Variants in DRGX observed in about 807,000 individuals in gnomAD.
DRGX encodes dorsal root ganglia homeobox protein.
DRGX carries 21 observed loss-of-function variants against 28.6 expected under a neutral mutation model. That is an observed-to-expected ratio of 0.73 (90% confidence interval 0.52 to 1.06). The LOEUF (loss-of-function observed/expected upper bound fraction) is 1.06. Among genes scored for constraint, DRGX ranks in the 50% least tolerant of loss-of-function variants. The pLI, the probability that DRGX is intolerant of heterozygous loss-of-function variation, is 0.00. For synonymous variants in DRGX, 136 were observed against 139.1 expected (o/e 0.98, Z 0.16); for missense variants, 354 against 343.9 (o/e 1.03, Z -0.23).
At chr10:49,366,494 G>A (rs1849602983) in intron 6 of DRGX, 113 bp from the exon 7 acceptor site, 1 of 1,420,534 alleles carries the variant, frequency 7.0e-7, no homozygotes, top group Non-Finnish European at 9.4e-7. Flanking sequence ...TCCCTCTGGT[G>A]CCAGATACTA....
chr10:49,395,601 C>A, intron 1 of DRGX, 80 bp from the exon 2 acceptor site: 1 of 830,912 alleles, frequency 1.2e-6, no homozygotes, highest in South Asian at 1.6e-5. Flanking sequence ...CCCGGCGCTC[C>A]CCTCCTGGAA....
intron 6 of DRGX, among the ~76,000 whole-genome samples, chr10:49,381,228 C>T (rs1849772944): frequency 6.6e-6 from 1 of 152,246 alleles, no homozygotes; most frequent in South Asian, 2.1e-4. Flanking sequence ...CCAGTTGCCT[C>T]ACGGCCTGAT....
chr10:49,386,220 T>C (rs1849832151), intron 6 of DRGX, among the ~76,000 whole-genome samples: 1 of 152,150 alleles, frequency 6.6e-6, no homozygotes, highest in Non-Finnish European at 1.5e-5. Context: ...GGAAGGTCAC[T>C]GTGGGGCAGC....
Position 49,365,951 on chromosome 10 carries a change from C to T in DRGX, c.*165G>A. 1 of 783,366 alleles carries T rather than the reference C, an allele frequency of 1.3e-6. No individual in the cohort carries two copies. 48.5% of individuals were successfully genotyped at this position (783,366 alleles called of 1,614,324 possible). Reference sequence around the variant, plus strand: ...GCACTGGTGGGACTCCAGAGGGACGCTCCAGGTGCCAAGGGAGCTGTGGGT... The same window carrying T: ...GCACTGGTGGGACTCCAGAGGGACGTTCCAGGTGCCAAGGGAGCTGTGGGT... On this transcript the variant is annotated 3_prime_UTR_variant, in exon 7 of 7. Coordinates refer to ENST00000374139, the MANE Select transcript of DRGX (RefSeq NM_001276451.2).
chr10:49,390,359 G>T, intron 3 of DRGX, 125 bp from the exon 4 acceptor site: 2 of 800,256 alleles, frequency 2.5e-6, no homozygotes, highest in Non-Finnish European at 3.9e-6. Context: ...AGGAAGGACA[G>T]GGAGAAGAGA....
In DRGX at chr10:49,381,816, C is replaced by T. The variant is rs141866327; in HGVS notation, c.526+4662G>A. On this transcript the variant is annotated intron_variant, in intron 6 of 6. Transcript: ENST00000374139. Reference sequence around the variant, plus strand: ...GTATCTAGGGCTGGGCCCGAACCTCCGTGGCCTACCCAGAGATGTTTGCTA... The same window carrying T: ...GTATCTAGGGCTGGGCCCGAACCTCTGTGGCCTACCCAGAGATGTTTGCTA... 1.1e-3 allele frequency among the ~76,000 whole-genome samples: 173 copies of T among 152,302 alleles called. 1 individual carries two copies. The highest frequency in any genetic ancestry group is 3.8e-3 in the African/African-American group (157 of 41,566).
rs756967872 is a variant in DRGX, at chr10:49,391,208, G to A, written c.88C>T (p.Arg30Cys). Residue 30 changes from arginine to cysteine, a missense_variant, in exon 3 of 7, where the codon CGT (arginine) becomes TGT (cysteine). By Grantham distance (180) the Arg-to-Cys change is radical (BLOSUM62 -3). Coordinates refer to ENST00000374139, the MANE Select transcript of DRGX (RefSeq NM_001276451.2). Reference protein sequence around the residue: ...SSGDFDDGFLRRKQRRNRTTF... With the variant: ...SSGDFDDGFLCRKQRRNRTTF... ...GTCCGGTTCCGGCGCTGTTTTCTACGCAGAAACCCGTCATCAAAATCCCCC... is the reference window on the plus strand; with the variant it reads ...GTCCGGTTCCGGCGCTGTTTTCTACACAGAAACCCGTCATCAAAATCCCCC... 33 of 1,612,454 alleles carry A rather than the reference G, an allele frequency of 2.0e-5. No homozygotes were observed. Among genetic ancestry groups the A allele is most frequent in the East Asian group, 4.5e-5 (2 of 44,868 alleles).
At chr10:49,383,926 T>A (rs987572719) in intron 6 of DRGX, among the ~76,000 whole-genome samples, 2 of 152,226 alleles carry the variant, frequency 1.3e-5, no homozygotes, top group Non-Finnish European at 2.9e-5. Flanking sequence ...AAGACAGGAA[T>A]ACTTCAAATA....
In DRGX at chr10:49,366,245, C is replaced by A. The variant is rs1357583025; in HGVS notation, c.663G>T (p.Leu221=). 1 of 1,613,844 alleles carries A rather than the reference C, an allele frequency of 6.2e-7. No homozygotes were observed. The highest frequency in any genetic ancestry group is 2.2e-5 in the East Asian group (1 of 44,894). The part of the protein sequence containing the change: ...MKAREHSEAV[L]QSANLLPSTS... ...TGGAAGGCAGGAGGTTGGCTGACTG[C>A]AGGACAGCTTCTGAGTGCTCGCGGG... The change falls in exon 7 of 7, where the codon CTG becomes CTT. Residue 221 remains leucine, a synonymous_variant. Coordinates refer to ENST00000374139, the MANE Select transcript of DRGX (RefSeq NM_001276451.2).
chr10:49,383,215 C>G (rs2132479806), intron 6 of DRGX, among the ~76,000 whole-genome samples: 1 of 152,362 alleles, frequency 6.6e-6, no homozygotes, highest in East Asian at 1.9e-4. Context: ...CAGACCCCCT[C>G]TTGCTATAAT....
intron 6 of DRGX, among the ~76,000 whole-genome samples, chr10:49,368,621 A>T (rs552329051): frequency 3.9e-4 from 59 of 152,316 alleles, no homozygotes; most frequent in African/African-American, 1.4e-3. Flanking sequence ...ACCCACCCCC[A>T]TGGGGCCTTA....
chr10:49,393,946 C>A (rs1849937668), intron 2 of DRGX, among the ~76,000 whole-genome samples: 1 of 152,198 alleles, frequency 6.6e-6, no homozygotes, highest in Admixed American at 6.5e-5. Context: ...CCCTACCTGC[C>A]AAATGCCCAA....
At chr10:49,385,112 T>A (rs906304381) in intron 6 of DRGX, among the ~76,000 whole-genome samples, 1 of 152,138 alleles carries the variant, frequency 6.6e-6, no homozygotes, top group Non-Finnish European at 1.5e-5. Context: ...AGCAGCCCAC[T>A]GTGTCTTGTA....
chr10:49,386,733 C>G lies in DRGX; in HGVS notation c.360G>C (p.Pro120=). 1 of 1,604,894 alleles carries G rather than the reference C, an allele frequency of 6.2e-7. No individual in the cohort carries two copies. Among genetic ancestry groups the G allele is most frequent in the South Asian group, 1.1e-5 (1 of 89,286 alleles). The stretch of plus-strand genomic sequence containing the variant: ...TACTCCGGGCTTGGTCCCCAGGGGG[C>G]GGGGAGTTGATGTTTCTCACTGGAG... ...TPPPVRNINS[P]PPGDQARSKK... Residue 120 remains proline, a synonymous_variant, in exon 5 of 7, where the codon CCG becomes CCC. Coordinates refer to ENST00000374139, the MANE Select transcript of DRGX (RefSeq NM_001276451.2).
intron 6 of DRGX, among the ~76,000 whole-genome samples, chr10:49,370,691 A>T (rs1328183512): frequency 6.6e-6 from 1 of 152,256 alleles, no homozygotes; most frequent in African/African-American, 2.4e-5. Context: ...TATGGAAAAG[A>T]CTGAGAGAGG....
intron 2 of DRGX, among the ~76,000 whole-genome samples, chr10:49,392,186 C>T (rs1461652147): frequency 2.6e-5 from 4 of 152,230 alleles, no homozygotes; most frequent in African/African-American, 9.6e-5. Flanking sequence ...CCAGTGAATA[C>T]TTTACCTGCC....
At chr10:49,376,042 G>A (rs960984238) in intron 6 of DRGX, among the ~76,000 whole-genome samples, 1 of 152,132 alleles carries the variant, frequency 6.6e-6, no homozygotes, top group African/African-American at 2.4e-5. Flanking sequence ...ATGACAGAAG[G>A]TGCCTGTCAA....
intron 6 of DRGX, among the ~76,000 whole-genome samples, chr10:49,373,037 A>G (rs1293104714): frequency 6.6e-6 from 1 of 152,252 alleles, no homozygotes; most frequent in Non-Finnish European, 1.5e-5. Flanking sequence ...CACATGCACT[A>G]AAATTGGAAC....
At position 49,366,656 on chromosome 10, in the gene DRGX, C is replaced by T. The variant is rs192981424; in HGVS notation, c.527-275G>A. ...TGGCCTTAGGCCAATATCTTGGCTT[C>T]TCTGAGCCTCAGTTTCTACTTCTGT... On this transcript the variant is annotated intron_variant, in intron 6 of 6. Coordinates refer to ENST00000374139, the MANE Select transcript of DRGX (RefSeq NM_001276451.2). 4.1e-4 allele frequency among the ~76,000 whole-genome samples: 63 copies of T among 152,362 alleles called. 1 individual carries two copies. The highest frequency in any genetic ancestry group is 6.8e-3 in the Middle Eastern group (2 of 294).
Sources: gnomAD v4.1 joint callset for allele counts (sites outside exome capture counted in the v4.1 genomes callset) on GRCh38, gnomAD v4.1.1 for gene constraint, MANE v1.5 for transcripts, NCBI Gene and HGNC (gene_info 2026-07-23, HGNC 2026-07-21) for gene names.